GPC2: variants seen among roughly 807,000 people sequenced by gnomAD.
GPC2 encodes the protein glypican 2, also known as glypican-2.
In GPC2, 42 loss-of-function variants were observed where a neutral mutation model predicts 57.3. The ratio of observed to expected loss-of-function variants is 0.73; its 90% CI spans 0.57 to 0.95. GPC2 has a LOEUF of 0.95. Ranked by LOEUF, GPC2 falls within the 40% of genes least tolerant of loss-of-function variation. The pLI, the probability that GPC2 is intolerant of heterozygous loss-of-function variation, is 0.00. For synonymous variants in GPC2, 364 were observed against 343.4 expected, an observed-to-expected ratio of 1.06 and a Z score of -0.66; for missense variants, 745 against 793.6, an observed-to-expected ratio of 0.94 and a Z score of 0.74.
In GPC2 at chr7:100,176,342, G is replaced by A; in HGVS notation, c.190C>T (p.Gln64Ter). 1 of 1,613,944 alleles carries A rather than the reference G, an allele frequency of 6.2e-7. No homozygotes were observed. Among genetic ancestry groups the A allele is most frequent in the Non-Finnish European group, 8.5e-7 (1 of 1,179,902 alleles). Residue 64 changes from glutamine (Q) to a stop codon, truncating the protein, a stop_gained, in exon 2 of 10, where the codon CAG becomes TAG. Coordinates refer to ENST00000292377, the MANE Select transcript of GPC2 (RefSeq NM_152742.3). LOFTEE classifies it high-confidence loss of function. ...TCACTGGAACAGCAGGTGTACTCCT[G>A]GGGACAGACCCGGAGGTGCTCACCT... is the stretch of plus-strand genomic sequence containing the variant. Reference protein sequence around the residue: ...ISGEHLRVCPQEYTCCSSETE... With the variant: ...ISGEHLRVCP
At position 100,171,322 on chromosome 7, in the gene GPC2, C is replaced by T; in HGVS notation, c.1425G>A (p.Arg475=). Residue 475 remains arginine (R), a synonymous_variant, in exon 9 of 10, where the codon CGG becomes CGA. Coordinates refer to ENST00000292377, the MANE Select transcript of GPC2 (RefSeq NM_152742.3). The surrounding 1 kb of genome is among the most constrained non-coding windows in gnomAD (Gnocchi z 4.8). ...CCGTTTTCATTCTGGCCGTGGCCGCCCGGAGCTGTAGCCGACGCCGCCGTG... is the reference window on the plus strand; with the variant it reads ...CCGTTTTCATTCTGGCCGTGGCCGCTCGGAGCTGTAGCCGACGCCGCCGTG... ...VPTRRRRLQL[R]AATARMKTAA... is the part of the protein sequence containing the mutation. 6 of 1,544,396 alleles carry T rather than the reference C, an allele frequency of 3.9e-6. No individual in the cohort carries two copies. Among genetic ancestry groups the T allele is most frequent in the Non-Finnish European group, 5.2e-6 (6 of 1,144,390 alleles).
chr7:100,173,209 ATCCGCCTGCC>A (rs1799213218), intron 5 of GPC2, among the ~76,000 whole-genome samples: 1 of 152,050 alleles, frequency 6.6e-6, no homozygotes, highest in African/African-American at 2.4e-5. Flanking sequence ...TGTCCTTGTG[ATCCGCCTGCC>A]TCCGCCTCCC....
rs745497322 is a variant in GPC2, at chr7:100,170,360, C to T, written c.1610G>A (p.Gly537Asp). 5 of 1,613,236 alleles carry T rather than the reference C, an allele frequency of 3.1e-6. No homozygotes were observed. Among genetic ancestry groups the T allele is most frequent in the South Asian group, 1.1e-5 (1 of 90,848 alleles). Reference sequence around the variant, plus strand: ...GCGGGCACTGCCACCTCCTCCTTTGCCCCCAGAACCATCCCTTCTAGGAGG... The same window carrying T: ...GCGGGCACTGCCACCTCCTCCTTTGTCCCCAGAACCATCCCTTCTAGGAGG... ...PYPPRRDGSG[G>D]KGGGGSARYN... Residue 537 changes from glycine to aspartate, a missense_variant, in exon 10 of 10, where the codon GGC becomes GAC. Gly to Asp is a moderately conservative substitution (Grantham distance 94). Transcript: ENST00000292377.
Position 100,175,749 on chromosome 7 carries a change from C to T in GPC2, c.471G>A (p.Glu157=), listed in dbSNP as rs1408119339. ...AATCCGCCAGGGTGTCATCCAACCC[C>T]TCACCAGATTCCCCATAGAAGTCTC... ...RLRDFYGESG[E]GLDDTLADFW... The change falls in exon 3 of 10, where the codon GAG becomes GAA. Residue 157 remains glutamate (E), a synonymous_variant. Coordinates refer to ENST00000292377, the MANE Select transcript of GPC2 (RefSeq NM_152742.3). 6.2e-7 allele frequency: 1 copy of T among 1,614,124 alleles called. No homozygotes were observed.
chr7:100,173,937 G>A lies in GPC2; in HGVS notation c.790C>T (p.Arg264Trp), dbSNP rs200808996. The part of the protein sequence containing the change: ...LMRLIGCPLC[R>W]GVPSLMPCQG... ...CAGGGCATAAGTGAGGGGACCCCCC[G>A]GCACAGGGGACAGCCGATGAGACGC... Residue 264 changes from arginine to tryptophan, a missense_variant, in exon 5 of 10, where the codon CGG becomes TGG. Arg to Trp is a moderately radical substitution (Grantham distance 101). This residue lies in a region of GPC2 where 607 missense variants were observed against 603.9 expected (regional missense o/e 1.01). Coordinates refer to ENST00000292377, the MANE Select transcript of GPC2 (RefSeq NM_152742.3). 2.4e-5 allele frequency: 38 copies of A among 1,602,708 alleles called. No individual in the cohort carries two copies. The East Asian group carries it at 3.5e-4, about 15-fold the overall frequency.
chr7:100,177,077 G>A lies in GPC2; in HGVS notation c.123C>T (p.Ala41=). The A allele has an allele frequency of 6.2e-7, 1 of 1,612,542 alleles. No homozygotes were observed. The highest frequency in any genetic ancestry group is 8.5e-7 in the Non-Finnish European group (1 of 1,179,540). ...GGATTAGGTTTAAGCTATATCCCCG[G>A]GCCCCCAGCACCTGCCGGGTCTCTG... ...SCAETRQVLG[A]RGYSLNLIPP... The change falls in exon 1 of 10, where the codon GCC becomes GCT. Residue 41 remains alanine (A), a synonymous_variant. Coordinates refer to ENST00000292377, the MANE Select transcript of GPC2 (RefSeq NM_152742.3).
In GPC2 at chr7:100,172,635, T is replaced by TTGTATATATATATGTGTGTG. The variant is rs1554400892; in HGVS notation, c.893-419_893-418insCACACACATATATATATACA. 1.9e-4 allele frequency among the ~76,000 whole-genome samples: 17 copies of TTGTATATATATATGTGTGTG among 88,234 alleles called. No homozygotes were observed. In the East Asian group the frequency reaches 4.9e-3, roughly 25 times the overall value. The allele number at this position is 88,234 out of a possible 152,430, so 57.9% of individuals were successfully genotyped here. ...CGCCTGCCACCATGCCGGCTAATTT[T>TTGTATATATATATGTGTGTG]TGTATATATATATATGTGTGTGTGT... On this transcript the variant is annotated intron_variant, in intron 5 of 9. Coordinates refer to ENST00000292377, the MANE Select transcript of GPC2 (RefSeq NM_152742.3).
At chr7:100,172,735 GTATA>G (rs537898506) in intron 5 of GPC2, among the ~76,000 whole-genome samples, 1 of 134,714 alleles carries the variant, frequency 7.4e-6, no homozygotes, top group African/African-American at 2.9e-5. Flanking sequence ...ATATATATGT[GTATA>G]TATATGTGTG....
Position 100,169,783 on chromosome 7 carries a change from G to A in GPC2, c.*447C>T, listed in dbSNP as rs1402905771. ...ACTCAACAGAACCCAGGCCCATGAA[G>A]TCTCACATCCTACTCAAGCACCCTC... On this transcript the variant is annotated 3_prime_UTR_variant, in exon 10 of 10. Coordinates refer to ENST00000292377, the MANE Select transcript of GPC2 (RefSeq NM_152742.3). The A allele has an allele frequency of 6.4e-6, 1 of 155,760 alleles. No individual in the cohort carries two copies. The highest frequency in any genetic ancestry group is 1.4e-5 in the Non-Finnish European group (1 of 70,548). The allele number at this position is 155,760 out of a possible 1,614,324, so 9.6% of individuals were successfully genotyped here.
In GPC2 at chr7:100,171,139, G is replaced by T; in HGVS notation, c.1486+122C>A. The T allele has an allele frequency of 2.3e-6, 2 of 880,814 alleles. No homozygotes were observed. The highest frequency in any genetic ancestry group is 1.9e-5 in the South Asian group (1 of 52,788). The allele number at this position is 880,814 out of a possible 1,614,324, so 54.6% of individuals were successfully genotyped here. A position where few individuals can be genotyped will look rare whatever the true frequency, so the allele number is the denominator to read the frequency against. ...GGGCAACGCTCAATAAATGCTCGTT[G>T]AATGAATTAGTGAATTAATCAATGA... On this transcript the variant is annotated intron_variant, in intron 9 of 9. Coordinates refer to ENST00000292377, the MANE Select transcript of GPC2 (RefSeq NM_152742.3). The surrounding 1 kb of genome is among the most constrained non-coding windows in gnomAD (Gnocchi z 4.8).
chr7:100,175,712 G>C lies in GPC2; in HGVS notation c.508C>G (p.Leu170Val). The stretch of plus-strand genomic sequence containing the variant: ...AGCAGCGGGAACACTCTCTCCAGGA[G>C]CTGTGCCCAGAAATCCGCCAGGGTG... ...DDTLADFWAQ[L>V]LERVFPLLHP... Residue 170 changes from leucine (L) to valine (V), a missense_variant, in exon 3 of 10, where the codon CTC (leucine) becomes GTC (valine). By Grantham distance (32) the Leu-to-Val change is conservative. Transcript: ENST00000292377. 1 of 1,614,172 alleles carries C rather than the reference G, an allele frequency of 6.2e-7. No homozygotes were observed.
chr7:100,172,913 A>G (rs1164069812), intron 5 of GPC2, among the ~76,000 whole-genome samples: 1 of 149,554 alleles, frequency 6.7e-6, no homozygotes, highest in Non-Finnish European at 1.5e-5. Context: ...CTCATCTGTC[A>G]CCCAGGCTGG....
intron 9 of GPC2, 83 bp from the exon 10 acceptor site, chr7:100,170,566 CAG>C: frequency 7.7e-7 from 1 of 1,296,282 alleles, no homozygotes; most frequent in Non-Finnish European, 1.0e-6. Context: ...GAGATAAAAA[CAG>C]AAAGAGAGAG....
At position 100,175,888 on chromosome 7, in the gene GPC2, A is replaced by G. The variant is rs750971376; in HGVS notation, c.332T>C (p.Phe111Ser). ...AARHRKFDEFFLEMLSVAQHS... is the reference protein window; with the variant it reads ...AARHRKFDEFSLEMLSVAQHS... The stretch of plus-strand genomic sequence containing the variant: ...CTGGGCTACTGAGAGCATCTCCAGA[A>G]AAAACTCTGCAGCAAATGCAGGGAA... The change falls in exon 3 of 10, where the codon TTT becomes TCT. Residue 111 changes from phenylalanine (F) to serine (S), a missense_variant. This residue lies in a region of GPC2 where 138 missense variants were observed against 189.8 expected (regional missense o/e 0.73). Coordinates refer to ENST00000292377, the MANE Select transcript of GPC2 (RefSeq NM_152742.3). 6.2e-7 allele frequency: 1 copy of G among 1,613,168 alleles called. No homozygotes were observed.
chr7:100,171,589 C>G lies in GPC2; in HGVS notation c.1260G>C (p.Ala420=). 1 of 1,515,106 alleles carries G rather than the reference C, an allele frequency of 6.6e-7. No individual in the cohort carries two copies. The highest frequency in any genetic ancestry group is 8.7e-7 in the Non-Finnish European group (1 of 1,143,902). 93.9% of individuals were successfully genotyped at this position (1,515,106 alleles called of 1,614,324 possible). ...LTVCGDSRMA[A]DASLEAAPCW... ...AGGGCGCCGCCTCCAGCGAGGCGTC[C>G]GCTGCCATGCGAGAGTCTCCGCACA... Residue 420 remains alanine, a synonymous_variant, in exon 8 of 10, where the codon GCG becomes GCC. Coordinates refer to ENST00000292377, the MANE Select transcript of GPC2 (RefSeq NM_152742.3). This position sits in a 1 kb window ranked among gnomAD's most constrained non-coding sequence, Gnocchi z 4.8.
At position 100,170,076 on chromosome 7, in the gene GPC2, G is replaced by A; in HGVS notation, c.*154C>T. On this transcript the variant is annotated 3_prime_UTR_variant, in exon 10 of 10. Transcript: ENST00000292377. ...TTGTGAACACCCACCCACCTCTGAT[G>A]AAAATCTCCTGGATTTGGGGCCCCA... 2 of 630,486 alleles carry A rather than the reference G, an allele frequency of 3.2e-6. No individual in the cohort carries two copies. The highest frequency in any genetic ancestry group is 5.1e-6 in the Non-Finnish European group (2 of 391,964). 39.1% of individuals were successfully genotyped at this position (630,486 alleles called of 1,614,324 possible).
intron 3 of GPC2, among the ~76,000 whole-genome samples, chr7:100,175,367 C>T (rs1268827249): frequency 6.6e-6 from 1 of 152,092 alleles, no homozygotes; most frequent in Non-Finnish European, 1.5e-5. Flanking sequence ...GGGGCATCTG[C>T]TTCAAGAAGA....
rs1312072625 is a variant in GPC2, at chr7:100,177,365, G to A, written c.-166C>T. 6 of 564,452 alleles carry A rather than the reference G, an allele frequency of 1.1e-5. No individual in the cohort carries two copies. The highest frequency in any genetic ancestry group is 1.4e-5 in the Non-Finnish European group (5 of 349,684). The allele number at this position is 564,452 out of a possible 1,614,324, so 35.0% of individuals were successfully genotyped here. On this transcript the variant is annotated 5_prime_UTR_variant, in exon 1 of 10. Coordinates refer to ENST00000292377, the MANE Select transcript of GPC2 (RefSeq NM_152742.3). The stretch of plus-strand genomic sequence containing the variant: ...ACGATAGCTGGACCAGGCGGCATCT[G>A]CCGAGACAATGGGAGCGGGGAGCCG...
chr7:100,175,975 A>G, intron 2 of GPC2, 81 bp from the exon 3 acceptor site: 1 of 1,160,678 alleles, frequency 8.6e-7, no homozygotes, highest in Non-Finnish European at 1.3e-6. Flanking sequence ...AGGCAGGAGG[A>G]GATGGGAGAG....
Sources: allele counts gnomAD v4.1 joint callset (sites outside exome capture counted in the v4.1 genomes callset), GRCh38; gene constraint gnomAD v4.1.1; regional missense constraint gnomAD v4.1.1; non-coding constraint Gnocchi (gnomAD v3.1); transcripts MANE v1.5; gene names NCBI Gene and HGNC (gene_info 2026-07-23, HGNC 2026-07-21).